Variants in SUPT5H observed in about 807,000 individuals in gnomAD.
SUPT5H encodes the protein SPT5 homolog, DSIF elongation factor subunit.
SUPT5H carries 24 observed loss-of-function variants against 142.5 expected under a neutral mutation model. That is an observed-to-expected ratio of 0.17 (90% CI 0.12 to 0.24). The LOEUF is 0.24. Ranked by LOEUF, SUPT5H falls within the 10% of genes least tolerant of loss-of-function variation. SUPT5H has a pLI of 1.00. For synonymous variants in SUPT5H, 546 were observed against 553.0 expected, an observed-to-expected ratio of 0.99 and a Z score of 0.18; for missense variants, 893 against 1,471.8, an observed-to-expected ratio of 0.61 and a Z score of 6.43.
At chr19:39,449,966 C>G (rs1398048995) in intron 2 of SUPT5H, among the ~76,000 whole-genome samples, 11 of 140,548 alleles carry the variant, frequency 7.8e-5, no homozygotes, top group African/African-American at 2.4e-4. Context: ...GAGACAGGGT[C>G]TCACTTTGTC....
Position 39,469,939 on chromosome 19 carries a change from G to C in SUPT5H, c.1375-180G>C. ...TCCAGGTTGGTGTCCTGTGTCTGGG[G>C]TCAGCTGTTTCTGGGGCAGTCTGAG... On this transcript the variant is annotated intron_variant, in intron 16 of 29. Transcript: ENST00000432763. The surrounding 1 kb of genome is among the most constrained non-coding windows in gnomAD (Gnocchi z 5.1). The C allele has an allele frequency of 1.3e-6, 1 of 752,532 alleles. No homozygotes were observed. The highest frequency in any genetic ancestry group is 2.1e-6 in the Non-Finnish European group (1 of 474,772). The allele number at this position is 752,532 out of a possible 1,614,324, so 46.6% of individuals were successfully genotyped here.
chr19:39,457,380 G>A (rs1203492752), intron 3 of SUPT5H, among the ~76,000 whole-genome samples: 1 of 152,208 alleles, frequency 6.6e-6, no homozygotes, highest in Non-Finnish European at 1.5e-5. Flanking sequence ...TGATAGTTGG[G>A]AGGGAACTTT....
intron 11 of SUPT5H, 23 bp downstream of exon 11, chr19:39,465,072 G>C: frequency 6.2e-7 from 1 of 1,603,044 alleles, no homozygotes; most frequent in African/African-American, 1.3e-5. Context: ...GGGTGGCATG[G>C]GGGTCAGGGT....
chr19:39,469,787 G>T lies in SUPT5H; in HGVS notation c.1375-332G>T. 1 of 474,872 alleles carries T rather than the reference G, an allele frequency of 2.1e-6. No individual in the cohort carries two copies. The highest frequency in any genetic ancestry group is 3.9e-6 in the Non-Finnish European group (1 of 259,584). The allele number at this position is 474,872 out of a possible 1,614,324, so 29.4% of individuals were successfully genotyped here. A position where few individuals can be genotyped will look rare whatever the true frequency, so the allele number is the denominator to read the frequency against. The stretch of plus-strand genomic sequence containing the variant: ...TTGTGCAGGCCCAGTGTGATGTGTG[G>T]GGTGAGGCTGTCTCCGGGTGGGGCT... On this transcript the variant is annotated intron_variant, in intron 16 of 29. Transcript: ENST00000432763. The surrounding 1 kb of genome is among the most constrained non-coding windows in gnomAD (Gnocchi z 5.1).
In SUPT5H at chr19:39,445,932, C is replaced by T. The variant is rs766855402; in HGVS notation, c.42C>T (p.Asp14=). The T allele has an allele frequency of 1.9e-6, 3 of 1,613,582 alleles. No individual in the cohort carries two copies. Among genetic ancestry groups the T allele is most frequent in the Non-Finnish European group, 2.5e-6 (3 of 1,180,000 alleles). The change falls in exon 2 of 30, where the codon GAC becomes GAT. Residue 14 remains aspartate (D), a synonymous_variant. Transcript: ENST00000432763. ...ACAGCAACTTTTCCGAGGAGGAGGA[C>T]AGCGAGCGCAGCAGTGACGGCGAGG... ...SEDSNFSEEE[D]SERSSDGEEA...
rs1263853620 is a variant in SUPT5H at position 39,472,071 on chromosome 19, G to T, written c.1951-338G>T. On this transcript the variant is annotated intron_variant, in intron 20 of 29. Transcript: ENST00000432763. The surrounding 1 kb of genome is among the most constrained non-coding windows in gnomAD (Gnocchi z 4.2). Reference sequence around the variant, plus strand: ...CGTACAGCTTGAGGTGATAGCAAGCGCTGTGAAGAAAACAGAATGGGCTCA... The same window carrying T: ...CGTACAGCTTGAGGTGATAGCAAGCTCTGTGAAGAAAACAGAATGGGCTCA... Among the ~76,000 whole-genome samples, 2 of 152,200 alleles carry T rather than the reference G, an allele frequency of 1.3e-5. No individual in the cohort carries two copies. The highest frequency in any genetic ancestry group is 6.5e-5 in the Admixed American group (1 of 15,284).
At chr19:39,448,979 A>G (rs1420806625) in intron 2 of SUPT5H, among the ~76,000 whole-genome samples, 2 of 142,608 alleles carry the variant, frequency 1.4e-5, no homozygotes, top group African/African-American at 2.6e-5. Context: ...AGTCCCTGCT[A>G]CTTGGGAGGC....
In SUPT5H at chr19:39,458,238, CCA is replaced by C; in HGVS notation, c.308-54_308-53del. ...ATACTTTGTCTGCCCTCGCCCACCA[CCA>C]CCACCACCACCACCACCACCACCAC... On this transcript the variant is annotated intron_variant, in intron 4 of 29. Transcript: ENST00000432763. The surrounding 1 kb of genome is among the most constrained non-coding windows in gnomAD (Gnocchi z 4.2). 4.0e-6 allele frequency: 3 copies of C among 743,762 alleles called. No homozygotes were observed. The highest frequency in any genetic ancestry group is 6.0e-6 in the Non-Finnish European group (3 of 498,880). 46.1% of individuals were successfully genotyped at this position (743,762 alleles called of 1,614,324 possible).
intron 1 of SUPT5H, 50 bp from the exon 2 acceptor site, chr19:39,445,754 T>C: frequency 2.0e-6 from 2 of 991,404 alleles, no homozygotes; most frequent in Non-Finnish European, 3.0e-6. Flanking sequence ...CGCTTCGCGA[T>C]TGCCAAAACG....
At position 39,469,450 on chromosome 19, in the gene SUPT5H, C is replaced by A; in HGVS notation, c.1374+52C>A. On this transcript the variant is annotated intron_variant, in intron 16 of 29. Coordinates refer to ENST00000432763, the MANE Select transcript of SUPT5H (RefSeq NM_001111020.3). This position sits in a 1 kb window ranked among gnomAD's most constrained non-coding sequence, Gnocchi z 5.1. ...GGTTGGAGTGTTCAGGCACATCTGA[C>A]TGTATGTGGCTGTCGAGGCGGTGGT... The A allele has an allele frequency of 6.2e-7, 1 of 1,608,490 alleles. No individual in the cohort carries two copies. The highest frequency in any genetic ancestry group is 8.5e-7 in the Non-Finnish European group (1 of 1,175,678).
chr19:39,446,963 G>A (rs151130601), intron 2 of SUPT5H, among the ~76,000 whole-genome samples: 19 of 152,302 alleles, frequency 1.2e-4, no homozygotes, highest in Admixed American at 7.2e-4. Flanking sequence ...AGCTGAGATC[G>A]CGCCACTGCA....
At chr19:39,456,696 G>T (rs1289397136) in intron 3 of SUPT5H, among the ~76,000 whole-genome samples, 3 of 152,066 alleles carry the variant, frequency 2.0e-5, no homozygotes, top group African/African-American at 7.2e-5. Context: ...GGGATTACAG[G>T]CATGAGCCAC....
chr19:39,464,086 C>T (rs1011386084), intron 10 of SUPT5H, among the ~76,000 whole-genome samples: 25 of 150,944 alleles, frequency 1.7e-4, no homozygotes, highest in East Asian at 5.9e-4. Context: ...CGGGTTCAAG[C>T]GACTCTTCTG....
At position 39,458,940 on chromosome 19, in the gene SUPT5H, A is replaced by T; in HGVS notation, c.389+53A>T. 6.2e-7 allele frequency: 1 copy of T among 1,613,700 alleles called. No individual in the cohort carries two copies. Among genetic ancestry groups the T allele is most frequent in the Non-Finnish European group, 8.5e-7 (1 of 1,179,690 alleles). On this transcript the variant is annotated intron_variant, in intron 6 of 29. Coordinates refer to ENST00000432763, the MANE Select transcript of SUPT5H (RefSeq NM_001111020.3). The surrounding 1 kb of genome is among the most constrained non-coding windows in gnomAD (Gnocchi z 4.2). ...ATTGGCTCCTGTGGGGAGATTTGGGAGTAGGTCAGCCCACCTGCTGTCCTC... is the reference window on the plus strand; with the variant it reads ...ATTGGCTCCTGTGGGGAGATTTGGGTGTAGGTCAGCCCACCTGCTGTCCTC...
In SUPT5H at chr19:39,474,936, C is replaced by T; in HGVS notation, c.3024+218C>T. On this transcript the variant is annotated intron_variant, in intron 28 of 29. Coordinates refer to ENST00000432763, the MANE Select transcript of SUPT5H (RefSeq NM_001111020.3). The surrounding 1 kb of genome is among the most constrained non-coding windows in gnomAD (Gnocchi z 6.5). ...CTGCCTGGGGAAGGAGAAATCTGAG[C>T]CAAGACCTGACAAATGAATAGGAGT... 1 of 604,794 alleles carries T rather than the reference C, an allele frequency of 1.7e-6. No homozygotes were observed. Among genetic ancestry groups the T allele is most frequent in the South Asian group, 2.0e-5 (1 of 50,386 alleles). 37.5% of individuals were successfully genotyped at this position (604,794 alleles called of 1,614,324 possible).
chr19:39,465,147 A>G, intron 11 of SUPT5H, 98 bp downstream of exon 11: 1 of 1,496,592 alleles, frequency 6.7e-7, no homozygotes, highest in Non-Finnish European at 9.0e-7. Flanking sequence ...TGCAGAGAAT[A>G]GAATCCCACT....
chr19:39,465,820 G>A lies in SUPT5H; in HGVS notation c.877-660G>A, dbSNP rs528604348. Among the ~76,000 whole-genome samples the A allele has an allele frequency of 2.2e-4, 34 of 152,328 alleles. No individual in the cohort carries two copies. In the South Asian group the frequency reaches 6.8e-3, roughly 31 times the overall value. On this transcript the variant is annotated intron_variant, in intron 11 of 29. Coordinates refer to ENST00000432763, the MANE Select transcript of SUPT5H (RefSeq NM_001111020.3). Reference sequence around the variant, plus strand: ...CCCACCCAGATGGCAGTGCTGGTGGGATAGGACCAAGACCCTAATACACGT... The same window carrying A: ...CCCACCCAGATGGCAGTGCTGGTGGAATAGGACCAAGACCCTAATACACGT...
At chr19:39,456,117 A>G (rs1464252022) in intron 3 of SUPT5H, among the ~76,000 whole-genome samples, 6 of 150,416 alleles carry the variant, frequency 4.0e-5, no homozygotes, top group Non-Finnish European at 7.4e-5. Context: ...GGGTTTCACC[A>G]TGTTGGCCAG....
chr19:39,471,458 C>T lies in SUPT5H; in HGVS notation c.1779C>T (p.Asn593=), dbSNP rs746586822. Reference sequence around the variant, plus strand: ...TGGCCTTGGACTCAGAGCAGAACAACATCCATGTGAAAGACATCGTTAAGG... The same window carrying T: ...TGGCCTTGGACTCAGAGCAGAACAATATCCATGTGAAAGACATCGTTAAGG... ...FAVALDSEQN[N]IHVKDIVKVI... Residue 593 remains asparagine (N), a synonymous_variant, in exon 19 of 30, where the codon AAC becomes AAT. Coordinates refer to ENST00000432763, the MANE Select transcript of SUPT5H (RefSeq NM_001111020.3). 6.2e-7 allele frequency: 1 copy of T among 1,614,250 alleles called. No individual in the cohort carries two copies. Among genetic ancestry groups the T allele is most frequent in the Non-Finnish European group, 8.5e-7 (1 of 1,180,046 alleles).
Sources: allele counts gnomAD v4.1 joint callset (sites outside exome capture counted in the v4.1 genomes callset), GRCh38; gene constraint gnomAD v4.1.1; non-coding constraint Gnocchi (gnomAD v3.1); transcripts MANE v1.5; gene names NCBI Gene and HGNC (gene_info 2026-07-23, HGNC 2026-07-21).